The following RBFOX1 variants were observed in gnomAD, a reference collection of about 807,000 sequenced individuals.
The protein encoded by RBFOX1 is RNA binding protein fox-1 homolog 1.
Under a neutral mutation model 57.7 loss-of-function variants are expected in RBFOX1, and 8 were observed. That is an observed-to-expected ratio of 0.14 (90% confidence interval 0.08 to 0.25). The LOEUF is 0.25. Among genes scored for constraint, RBFOX1 ranks in the 10% least tolerant of loss-of-function variants. RBFOX1 has a pLI of 1.00. For missense variants in RBFOX1, 611 were observed against 548.5 expected, an observed-to-expected ratio of 1.11 and a Z score of -1.14; for synonymous variants, 326 against 222.4, an observed-to-expected ratio of 1.47 and a Z score of -4.15.
chr16:6,796,351 C>A (rs1363118493), intron 3 of RBFOX1, among the ~76,000 whole-genome samples: 2 of 152,096 alleles, frequency 1.3e-5, no homozygotes, highest in African/African-American at 2.4e-5. Flanking sequence ...GGGTACACAG[C>A]CAAACCATAT....
At chr16:7,092,378 C>G (rs987636203) in intron 4 of RBFOX1, among the ~76,000 whole-genome samples, 3 of 152,208 alleles carry the variant, frequency 2.0e-5, no homozygotes, top group African/African-American at 7.2e-5. Flanking sequence ...AGAGGAAATA[C>G]TCTGTTTCAA....
intron 3 of RBFOX1, among the ~76,000 whole-genome samples, chr16:5,793,146 C>T (rs200731430): frequency 6.6e-6 from 1 of 152,176 alleles, no homozygotes; most frequent in African/African-American, 2.4e-5. Context: ...CTCCCTTTCT[C>T]TCTGGCTGGT....
At chr16:7,306,321 C>G (rs1212325404) in intron 4 of RBFOX1, among the ~76,000 whole-genome samples, 1 of 152,148 alleles carries the variant, frequency 6.6e-6, no homozygotes, top group African/African-American at 2.4e-5. Flanking sequence ...CACAAAGGTT[C>G]TCAGCATCTT....
rs151191219 is a variant in RBFOX1 at position 5,959,054 on chromosome 16, C to G, written c.351+91719C>G. 3.0e-3 allele frequency among the ~76,000 whole-genome samples: 456 copies of G among 152,306 alleles called. 8 individuals carry two copies. Among genetic ancestry groups the G allele is most frequent in the Non-Finnish European group, 9.6e-4 (65 of 68,028 alleles). ...AAGGCCATTATTCTGCTGACCACAC[C>G]AGGTAAAACTTGCAGCAGTGCCTGG... On this transcript the variant is annotated intron_variant, in intron 4 of 19. Coordinates refer to the RBFOX1 transcript ENST00000641259.
rs541274986 is a variant in RBFOX1 at position 7,247,489 on chromosome 16, T to C, written c.27+195391T>C. On this transcript the variant is annotated intron_variant, in intron 4 of 15. Coordinates refer to ENST00000550418, the MANE Select transcript of RBFOX1 (RefSeq NM_018723.4). ...TATGTGATAGGCACTCAGTAAATGT[T>C]AGCTAAAGTTGAGAATTACTAATTT... Among the ~76,000 whole-genome samples the C allele has an allele frequency of 2.6e-5, 4 of 152,310 alleles. No individual in the cohort carries two copies. The East Asian group carries it at 7.7e-4, about 29-fold the overall frequency.
intron 3 of RBFOX1, among the ~76,000 whole-genome samples, chr16:6,859,757 G>T (rs1322538778): frequency 6.6e-6 from 1 of 152,154 alleles, no homozygotes; most frequent in African/African-American, 2.4e-5. Context: ...TAGCAGACAT[G>T]TTAATATGAA....
At chr16:7,371,469 G>A (rs781287736) in intron 4 of RBFOX1, among the ~76,000 whole-genome samples, 1 of 152,204 alleles carries the variant, frequency 6.6e-6, no homozygotes, top group Non-Finnish European at 1.5e-5. Context: ...CACATATATG[G>A]CCAGGTGCGG....
At chr16:7,440,116 G>A (rs1160662471) in intron 4 of RBFOX1, among the ~76,000 whole-genome samples, 3 of 151,770 alleles carry the variant, frequency 2.0e-5, no homozygotes, top group African/African-American at 4.8e-5. Context: ...GGCTGGTCTC[G>A]AACTCCTGGG....
intron 3 of RBFOX1, among the ~76,000 whole-genome samples, chr16:6,901,242 C>G (rs114823774): frequency 2.6e-5 from 4 of 152,140 alleles, no homozygotes; most frequent in African/African-American, 7.2e-5. Context: ...AGACTTCATT[C>G]CAGTGAGGAC....
intron 4 of RBFOX1, among the ~76,000 whole-genome samples, chr16:7,232,147 C>T (rs142962518): frequency 1.9e-4 from 29 of 152,226 alleles, no homozygotes; most frequent in African/African-American, 6.7e-4. Flanking sequence ...CTTCAGCCTC[C>T]TGAGTAGCTG....
intron 3 of RBFOX1, among the ~76,000 whole-genome samples, chr16:5,788,126 A>T (rs898307523): frequency 1.3e-5 from 2 of 152,194 alleles, no homozygotes; most frequent in Admixed American, 6.5e-5. Context: ...TGCTGAAAAC[A>T]TCATACCTGG....
chr16:7,367,661 G>A (rs550461416), intron 4 of RBFOX1, among the ~76,000 whole-genome samples: 1 of 152,240 alleles, frequency 6.6e-6, no homozygotes, highest in South Asian at 2.1e-4. Flanking sequence ...TGGGAATAGT[G>A]GAGAAACAGA....
chr16:5,422,750 A>G, intron 1 of RBFOX1, among the ~76,000 whole-genome samples: 1 of 114,336 alleles, frequency 8.7e-6, no homozygotes, highest in Non-Finnish European at 1.8e-5. Context: ...AGGGATGGGG[A>G]GGAAAGAGGA....
At chr16:6,820,721 A>T (rs1454053056) in intron 3 of RBFOX1, among the ~76,000 whole-genome samples, 16 of 152,146 alleles carry the variant, frequency 1.1e-4, no homozygotes, top group Admixed American at 1.0e-3. Context: ...TCTCATTCTT[A>T]GAAGATTTTT....
rs1345878155 is a variant in RBFOX1, at chr16:7,239,467, C to G, written c.27+187369C>G. ...TGAGCCTAGATCGTGCCACTGCACT[C>G]CAGCCTGGGCAACAGAGCAAGACTG... On this transcript the variant is annotated intron_variant, in intron 4 of 15. Coordinates refer to ENST00000550418, the MANE Select transcript of RBFOX1 (RefSeq NM_018723.4). 2.0e-5 allele frequency among the ~76,000 whole-genome samples: 3 copies of G among 151,928 alleles called. No homozygotes were observed. In the East Asian group the frequency reaches 5.8e-4, roughly 29 times the overall value.
intron 5 of RBFOX1, among the ~76,000 whole-genome samples, chr16:7,567,728 ATATATAATCCC>A (rs2092234072): frequency 1.8e-4 from 7 of 37,868 alleles, no homozygotes; most frequent in Admixed American, 9.3e-4. Context: ...ATATATCCCT[ATATATAATCCC>A]TATATATATC....
At chr16:6,661,853 G>A (rs1199688449) in intron 3 of RBFOX1, among the ~76,000 whole-genome samples, 2 of 152,174 alleles carry the variant, frequency 1.3e-5, no homozygotes, top group Non-Finnish European at 2.9e-5. Flanking sequence ...CTAATTTTTT[G>A]AAGGACCTCT....
intron 3 of RBFOX1, among the ~76,000 whole-genome samples, chr16:7,031,951 T>G (rs1020480167): frequency 1.3e-5 from 2 of 152,154 alleles, no homozygotes; most frequent in Non-Finnish European, 2.9e-5. Flanking sequence ...ATTGTTGGGA[T>G]GGACTTCCTC....
At chr16:6,819,470 C>T in intron 3 of RBFOX1, among the ~76,000 whole-genome samples, 1 of 151,992 alleles carries the variant, frequency 6.6e-6, no homozygotes, top group African/African-American at 2.4e-5. Flanking sequence ...TAGGGAGGCC[C>T]AGGCGGGCGG....
Sources: allele counts gnomAD v4.1 joint callset (sites outside exome capture counted in the v4.1 genomes callset), GRCh38; gene constraint gnomAD v4.1.1; transcripts MANE v1.5; gene names NCBI Gene and HGNC (gene_info 2026-07-23, HGNC 2026-07-21).